Variants in UHRF2 observed in about 807,000 individuals in gnomAD.
UHRF2 encodes the protein E3 ubiquitin-protein ligase UHRF2.
In UHRF2, 23 loss-of-function variants were observed where a neutral mutation model predicts 96.8. That is an observed-to-expected ratio of 0.24 (90% confidence interval 0.17 to 0.34). The LOEUF (loss-of-function observed/expected upper bound fraction) is 0.34. Ranked by LOEUF, UHRF2 falls within the 10% of genes least tolerant of loss-of-function variation. UHRF2 has a pLI of 1.00. For synonymous variants in UHRF2, 385 were observed against 332.6 expected (o/e 1.16, Z -1.72); for missense variants, 685 against 981.5 (o/e 0.70, Z 4.04).
intron 4 of UHRF2, among the ~76,000 whole-genome samples, chr9:6,461,394 C>T (rs1008937618): frequency 7.7e-6 from 1 of 129,692 alleles, no homozygotes; most frequent in Admixed American, 7.9e-5. Context: ...TCTCCTCCCC[C>T]CCGCCCCTTG....
intron 4 of UHRF2, among the ~76,000 whole-genome samples, chr9:6,461,992 GT>G (rs1331310739): frequency 6.7e-6 from 1 of 148,152 alleles, no homozygotes; most frequent in Non-Finnish European, 1.5e-5. Context: ...GACAATTTTT[GT>G]TTTTAAAAAA....
intron 1 of UHRF2, among the ~76,000 whole-genome samples, chr9:6,418,923 T>G (rs1413175803): frequency 2.0e-5 from 3 of 152,232 alleles, no homozygotes; most frequent in African/African-American, 7.2e-5. Context: ...CTTTACACTT[T>G]GCCGGAAATT....
chr9:6,420,089 C>A (rs1454295948), intron 1 of UHRF2, among the ~76,000 whole-genome samples: 2 of 151,474 alleles, frequency 1.3e-5, no homozygotes, highest in Non-Finnish European at 2.9e-5. Flanking sequence ...GACAGTCTCC[C>A]TCTGTTGCCC....
chr9:6,465,213 T>A (rs1305718423), intron 4 of UHRF2, among the ~76,000 whole-genome samples: 1 of 152,218 alleles, frequency 6.6e-6, no homozygotes, highest in Non-Finnish European at 1.5e-5. Flanking sequence ...TTTGTAGATA[T>A]GCTCTCCTAG....
At chr9:6,437,983 A>G (rs1820952369) in intron 3 of UHRF2, among the ~76,000 whole-genome samples, 1 of 152,190 alleles carries the variant, frequency 6.6e-6, no homozygotes, top group East Asian at 1.9e-4. Flanking sequence ...GCTATTCCCT[A>G]CTAGGAATAT....
chr9:6,460,014 G>C (rs187752264), intron 3 of UHRF2, among the ~76,000 whole-genome samples: 1 of 152,148 alleles, frequency 6.6e-6, no homozygotes, highest in African/African-American at 2.4e-5. Context: ...TGTAGAGCAA[G>C]AGCTTATGTT....
chr9:6,505,709 T>C (rs1379740535), intron 15 of UHRF2, among the ~76,000 whole-genome samples: 2 of 152,224 alleles, frequency 1.3e-5, no homozygotes, highest in Non-Finnish European at 2.9e-5. Flanking sequence ...GGGCTCTGTT[T>C]AGAAAGGACA....
intron 3 of UHRF2, among the ~76,000 whole-genome samples, chr9:6,437,935 T>C (rs1467011181): frequency 6.6e-6 from 1 of 152,170 alleles, no homozygotes; most frequent in African/African-American, 2.4e-5. Flanking sequence ...GTAAGATACC[T>C]AGTACAAACC....
intron 11 of UHRF2, among the ~76,000 whole-genome samples, chr9:6,497,687 T>C (rs1240509377): frequency 2.6e-5 from 4 of 152,174 alleles, no homozygotes; most frequent in African/African-American, 9.7e-5. Context: ...TTAGTTGTAA[T>C]AGATTTTCAA....
intron 11 of UHRF2, among the ~76,000 whole-genome samples, 197 bp from the exon 12 acceptor site, chr9:6,497,817 AGTCT>A (rs1825062133): frequency 6.6e-6 from 1 of 152,224 alleles, no homozygotes; most frequent in Non-Finnish European, 1.5e-5. Context: ...AATTTATAGC[AGTCT>A]GTCCTCATGG....
At chr9:6,499,771 C>A in intron 12 of UHRF2, 64 bp from the exon 13 acceptor site, 1 of 1,113,596 alleles carries the variant, frequency 9.0e-7, no homozygotes, top group South Asian at 1.8e-5. Flanking sequence ...TCACCAGGAT[C>A]TAAACCCCCC....
chr9:6,498,167 A>G lies in UHRF2; in HGVS notation c.1908+9A>G. The G allele has an allele frequency of 1.2e-6, 2 of 1,612,152 alleles. No individual in the cohort carries two copies. Among genetic ancestry groups the G allele is most frequent in the South Asian group, 1.1e-5 (1 of 90,654 alleles). On this transcript the variant is annotated intron_variant, in intron 12 of 15. Coordinates refer to ENST00000276893, the MANE Select transcript of UHRF2 (RefSeq NM_152896.3). ...TATGTCTACGTTTACAGGTTAGATT[A>G]CATTTGTCTAGGCTGCCTGTGTGTT...
At chr9:6,480,622 AGAT>A (rs568931564) in intron 6 of UHRF2, among the ~76,000 whole-genome samples, 79 of 152,332 alleles carry the variant, frequency 5.2e-4, no homozygotes, top group African/African-American at 1.8e-3. Flanking sequence ...CTCATCAGAG[AGAT>A]AATACTTGCT....
chr9:6,454,957 A>G (rs373542394), intron 3 of UHRF2, among the ~76,000 whole-genome samples: 1 of 152,184 alleles, frequency 6.6e-6, no homozygotes, highest in East Asian at 1.9e-4. Context: ...GGAGCCCAAG[A>G]ATTTGGATTT....
At chr9:6,424,531 A>G (rs976936672) in intron 2 of UHRF2, among the ~76,000 whole-genome samples, 1 of 152,210 alleles carries the variant, frequency 6.6e-6, no homozygotes, top group Non-Finnish European at 1.5e-5. Flanking sequence ...TTTAAAATAA[A>G]CTTATTTTAG....
chr9:6,445,632 A>G (rs1175811966), intron 3 of UHRF2, among the ~76,000 whole-genome samples: 1 of 152,198 alleles, frequency 6.6e-6, no homozygotes, highest in African/African-American at 2.4e-5. Flanking sequence ...ACCACAGCTC[A>G]CTGCAACCTT....
chr9:6,500,022 G>A (rs1278130653), intron 13 of UHRF2, 91 bp downstream of exon 13: 10 of 1,020,164 alleles, frequency 9.8e-6, no homozygotes, highest in Non-Finnish European at 1.3e-5. Context: ...ACCCAGGCTG[G>A]AGTGCAGTGG....
chr9:6,460,812 G>A (rs1488206991), intron 4 of UHRF2, 21 bp downstream of exon 4: 6 of 1,591,784 alleles, frequency 3.8e-6, no homozygotes, highest in Non-Finnish European at 5.1e-6. Context: ...CTTCACTGGT[G>A]CCATTTAATT....
intron 13 of UHRF2, 38 bp from the exon 14 acceptor site, chr9:6,500,514 C>G: frequency 6.3e-7 from 1 of 1,585,048 alleles, no homozygotes; most frequent in Non-Finnish European, 8.6e-7. Flanking sequence ...CTTAGAACCA[C>G]TTGTAAGTCT....
Sources: gnomAD v4.1 joint callset for allele counts (sites outside exome capture counted in the v4.1 genomes callset) on GRCh38, gnomAD v4.1.1 for gene constraint, MANE v1.5 for transcripts, NCBI Gene and HGNC (gene_info 2026-07-23, HGNC 2026-07-21) for gene names.